CREB5: variants seen among roughly 807,000 people sequenced by gnomAD.
CREB5 encodes the protein cyclic AMP-responsive element-binding protein 5.
In CREB5, 19 loss-of-function variants were observed where a neutral mutation model predicts 57.1. The ratio of observed to expected loss-of-function variants is 0.33; its 90% CI spans 0.23 to 0.49. CREB5 has a LOEUF of 0.49. Ranked by LOEUF, CREB5 falls within the 20% of genes least tolerant of loss-of-function variation. The pLI is 0.99. For synonymous variants in CREB5, 238 were observed against 238.3 expected (o/e 1.00, Z 0.01); for missense variants, 579 against 671.6 (o/e 0.86, Z 1.52).
intron 4 of CREB5, among the ~76,000 whole-genome samples, chr7:28,538,147 G>C (rs934330951): frequency 3.9e-5 from 6 of 152,088 alleles, no homozygotes; most frequent in African/African-American, 1.4e-4. Flanking sequence ...TCTGTCTCCC[G>C]GGTCCAAGTG....
At chr7:28,383,205 T>C (rs1195353314) in intron 1 of CREB5, among the ~76,000 whole-genome samples, 1 of 152,086 alleles carries the variant, frequency 6.6e-6, no homozygotes, top group Non-Finnish European at 1.5e-5. Flanking sequence ...TACATGTTAA[T>C]GGTGAGAAAG....
chr7:28,403,585 G>T (rs1787518385), intron 1 of CREB5, among the ~76,000 whole-genome samples: 1 of 151,820 alleles, frequency 6.6e-6, no homozygotes, highest in Non-Finnish European at 1.5e-5. Flanking sequence ...AAAAAAAATT[G>T]GCCCTGATCA....
intron 5 of CREB5, among the ~76,000 whole-genome samples, chr7:28,700,356 C>T (rs761750042): frequency 6.6e-6 from 1 of 152,140 alleles, no homozygotes; most frequent in African/African-American, 2.4e-5. Flanking sequence ...TTAAATAACA[C>T]TTTGAGGGGT....
intron 5 of CREB5, among the ~76,000 whole-genome samples, chr7:28,671,040 G>A (rs914114540): frequency 6.6e-6 from 1 of 152,032 alleles, no homozygotes; most frequent in Non-Finnish European, 1.5e-5. Flanking sequence ...GAGGCGGGAG[G>A]ATCGCTTGAG....
At chr7:28,557,771 T>C (rs955073880) in intron 4 of CREB5, among the ~76,000 whole-genome samples, 15 of 152,176 alleles carry the variant, frequency 9.9e-5, no homozygotes, top group Non-Finnish European at 2.1e-4. Context: ...AAGGCTCCTG[T>C]GTGCTCACAG....
chr7:28,362,189 A>G (rs187304157), intron 1 of CREB5, among the ~76,000 whole-genome samples: 12 of 152,330 alleles, frequency 7.9e-5, no homozygotes, highest in Middle Eastern at 3.4e-3. Context: ...CCCTATTTTA[A>G]TATCTGTATA....
chr7:28,455,241 A>C (rs1790041168), intron 1 of CREB5, among the ~76,000 whole-genome samples: 1 of 152,176 alleles, frequency 6.6e-6, no homozygotes, highest in South Asian at 2.1e-4. Context: ...GGAAGCCCCG[A>C]GCCGAACTGC....
chr7:28,678,225 T>C (rs1176377773), intron 5 of CREB5, among the ~76,000 whole-genome samples: 1 of 151,856 alleles, frequency 6.6e-6, no homozygotes, highest in Non-Finnish European at 1.5e-5. Context: ...CCGTCCCTAC[T>C]AAGAATGCAA....
intron 1 of CREB5, among the ~76,000 whole-genome samples, chr7:28,311,843 C>G (rs920601909): frequency 2.6e-5 from 4 of 152,184 alleles, no homozygotes; most frequent in African/African-American, 9.7e-5. Flanking sequence ...AAAAGCGTCA[C>G]GTGGCAGGCA....
intron 9 of CREB5, among the ~76,000 whole-genome samples, chr7:28,816,892 G>C (rs1313961741): frequency 6.6e-6 from 1 of 152,168 alleles, no homozygotes; most frequent in Non-Finnish European, 1.5e-5. Flanking sequence ...GGATATTATT[G>C]ATCACAATTT....
At chr7:28,702,309 G>A (rs1042122909) in intron 5 of CREB5, among the ~76,000 whole-genome samples, 2 of 152,266 alleles carry the variant, frequency 1.3e-5, no homozygotes, top group Admixed American at 6.5e-5. Context: ...CTTAACTTTC[G>A]TAAGAACACT....
At chr7:28,355,509 T>C (rs1786321957) in intron 1 of CREB5, among the ~76,000 whole-genome samples, 1 of 152,216 alleles carries the variant, frequency 6.6e-6, no homozygotes, top group Admixed American at 6.5e-5. Flanking sequence ...TTTATGTTAA[T>C]AGAAGAGTGT....
At position 28,579,655 on chromosome 7, in the gene CREB5, A is replaced by G. The variant is rs562384733; in HGVS notation, c.464+9118A>G. Among the ~76,000 whole-genome samples, 6 of 152,326 alleles carry G rather than the reference A, an allele frequency of 3.9e-5. No homozygotes were observed. In the South Asian group the frequency reaches 1.0e-3, roughly 26 times the overall value. ...CTTCCTGAATAACCACATGCCCATC[A>G]TATCTTGGTCCAGCGATGGTAATTC... On this transcript the variant is annotated intron_variant, in intron 5 of 10. Coordinates refer to ENST00000357727, the MANE Select transcript of CREB5 (RefSeq NM_182898.4).
intron 7 of CREB5, among the ~76,000 whole-genome samples, chr7:28,738,862 C>T (rs1804182601): frequency 6.6e-6 from 1 of 152,172 alleles, no homozygotes; most frequent in Non-Finnish European, 1.5e-5. Context: ...TCTAGCCGTC[C>T]ACTGAGCAAT....
intron 5 of CREB5, among the ~76,000 whole-genome samples, chr7:28,643,708 G>A (rs1260060328): frequency 6.7e-6 from 1 of 149,650 alleles, no homozygotes; most frequent in Non-Finnish European, 1.5e-5. Flanking sequence ...CCATAAGAAA[G>A]TTGTCCCTTT....
At chr7:28,427,640 A>G (rs571197075) in intron 1 of CREB5, among the ~76,000 whole-genome samples, 2 of 152,112 alleles carry the variant, frequency 1.3e-5, no homozygotes, top group East Asian at 1.9e-4. Flanking sequence ...TGCCTGTCAC[A>G]GGGACTTGGG....
chr7:28,670,822 C>A (rs561107726), intron 5 of CREB5, among the ~76,000 whole-genome samples: 40 of 152,272 alleles, frequency 2.6e-4, no homozygotes, highest in African/African-American at 9.4e-4. Context: ...GAGGAAGTTA[C>A]CATTACATTT....
At chr7:28,394,747 A>C (rs190156539) in intron 1 of CREB5, among the ~76,000 whole-genome samples, 1 of 152,346 alleles carries the variant, frequency 6.6e-6, no homozygotes, top group East Asian at 1.9e-4. Flanking sequence ...TTGAGTGTTC[A>C]AGTCTGATTT....
At chr7:28,594,535 C>T (rs1292741616) in intron 5 of CREB5, among the ~76,000 whole-genome samples, 1 of 152,170 alleles carries the variant, frequency 6.6e-6, no homozygotes, top group African/African-American at 2.4e-5. Flanking sequence ...CTGATTCCCC[C>T]AGGCTGACTC....
Sources: allele counts gnomAD v4.1 joint callset (sites outside exome capture counted in the v4.1 genomes callset), GRCh38; gene constraint gnomAD v4.1.1; transcripts MANE v1.5; gene names NCBI Gene and HGNC (gene_info 2026-07-23, HGNC 2026-07-21).